Variants in KAZN observed in about 807,000 individuals in gnomAD.
KAZN encodes the protein kazrin, periplakin interacting protein, also known as kazrin.
KAZN carries 40 observed loss-of-function variants against 87.4 expected under a neutral mutation model. The ratio of observed to expected loss-of-function variants is 0.46; its 90% CI spans 0.36 to 0.60. The LOEUF is 0.60. KAZN is among the 20% of genes least tolerant of loss of function. The pLI, the probability that KAZN is intolerant of heterozygous loss-of-function variation, is 0.00. For missense variants in KAZN, 898 were observed against 1,073.9 expected (o/e 0.84, Z 2.29); for synonymous variants, 466 against 458.3 (o/e 1.02, Z -0.22).
At chr1:14,874,672 C>G (rs1652561325) in intron 1 of KAZN, among the ~76,000 whole-genome samples, 1 of 152,202 alleles carries the variant, frequency 6.6e-6, no homozygotes, top group South Asian at 2.1e-4. Flanking sequence ...ATCTCCTTCT[C>G]CATTCACCCA....
chr1:14,833,903 G>A (rs181168709), intron 1 of KAZN, among the ~76,000 whole-genome samples: 124 of 151,724 alleles, frequency 8.2e-4, no homozygotes, highest in South Asian at 4.4e-3. Context: ...TCTAAGAGCC[G>A]AGAATGTCAT....
At chr1:15,088,774 G>T (rs184653234) in intron 8 of KAZN, among the ~76,000 whole-genome samples, 3 of 152,242 alleles carry the variant, frequency 2.0e-5, no homozygotes, top group Admixed American at 6.5e-5. Context: ...CCTCAGGGGT[G>T]GGGGAGAAGG....
intron 1 of KAZN, among the ~76,000 whole-genome samples, chr1:14,848,293 G>C (rs571995454): frequency 2.0e-5 from 3 of 152,116 alleles, no homozygotes; most frequent in Non-Finnish European, 4.4e-5. Context: ...ACCCAGGAAG[G>C]GGAAGCTGCC....
rs568645263 is a variant in KAZN, at chr1:14,893,994, A to ATAAT, written c.227-66685_227-66682dup. Reference sequence around the variant, plus strand: ...AGGGAGGTGCTAGTTGATGAAGAGTATAATTAATCAGCACTTAGGGACCTC... The same window carrying ATAAT: ...AGGGAGGTGCTAGTTGATGAAGAGTATAATTAATTAATCAGCACTTAGGGACCTC... On this transcript the variant is annotated intron_variant, in intron 1 of 14. Transcript: ENST00000376030. Among the ~76,000 whole-genome samples, 7 of 152,296 alleles carry ATAAT rather than the reference A, an allele frequency of 4.6e-5. No individual in the cohort carries two copies. The South Asian group carries it at 1.4e-3, about 32-fold the overall frequency.
chr1:14,234,354 T>A (rs1410757772), intron 2 of KAZN, among the ~76,000 whole-genome samples: 2 of 145,902 alleles, frequency 1.4e-5, no homozygotes, highest in African/African-American at 5.1e-5. Flanking sequence ...AGTTGAACAA[T>A]GAGAACACAT....
chr1:14,584,890 G>A (rs1475331667), intron 2 of KAZN, among the ~76,000 whole-genome samples: 1 of 152,166 alleles, frequency 6.6e-6, no homozygotes, highest in Non-Finnish European at 1.5e-5. Flanking sequence ...TGATCCTCCT[G>A]CCTTGGCCTC....
intron 2 of KAZN, among the ~76,000 whole-genome samples, chr1:14,459,127 C>T (rs1229103211): frequency 6.6e-6 from 1 of 152,104 alleles, no homozygotes; most frequent in African/African-American, 2.4e-5. Flanking sequence ...AAATAGACAC[C>T]ACTGAACACG....
Position 15,104,171 on chromosome 1 carries a change from C to T in KAZN, c.2030C>T (p.Ala677Val). Residue 677 changes from alanine (A) to valine (V), a missense_variant, in exon 13 of 15, where the codon GCC (alanine) becomes GTC (valine). This residue lies in a region of KAZN where 521 missense variants were observed against 689.4 expected (regional missense o/e 0.76). Transcript: ENST00000376030. ...AGACACCTGGCAGAGGAGATGAGCG[C>T]CGTCTTCCACCCAGCCAAGTGAGCA... ...LRRHLAEEMS[A>V]VFHPANSTGI... 1 of 1,587,432 alleles carries T rather than the reference C, an allele frequency of 6.3e-7. No individual in the cohort carries two copies. Among genetic ancestry groups the T allele is most frequent in the Non-Finnish European group, 8.6e-7 (1 of 1,167,460 alleles).
intron 1 of KAZN, among the ~76,000 whole-genome samples, chr1:14,741,992 G>A (rs1644115109): frequency 6.6e-6 from 1 of 152,052 alleles, no homozygotes; most frequent in South Asian, 2.1e-4. Flanking sequence ...CTTGTGGGAA[G>A]CCACATTCAC....
chr1:14,645,478 A>G (rs1680744243), intron 1 of KAZN, among the ~76,000 whole-genome samples: 1 of 152,014 alleles, frequency 6.6e-6, no homozygotes, highest in South Asian at 2.1e-4. Flanking sequence ...GATTTCTTTG[A>G]GCAGTGTTTT....
At chr1:14,415,565 G>A (rs1411056700) in intron 2 of KAZN, among the ~76,000 whole-genome samples, 2 of 152,124 alleles carry the variant, frequency 1.3e-5, no homozygotes, top group Non-Finnish European at 2.9e-5. Flanking sequence ...CCCCCAGGTG[G>A]TAGACCAGAC....
chr1:14,519,301 T>C (rs1671457972), intron 2 of KAZN, among the ~76,000 whole-genome samples: 1 of 152,172 alleles, frequency 6.6e-6, no homozygotes, highest in Admixed American at 6.5e-5. Context: ...AAAGCAACCC[T>C]CTGCTTTGCT....
At chr1:14,181,268 C>T (rs1055476834) in intron 2 of KAZN, among the ~76,000 whole-genome samples, 5 of 152,140 alleles carry the variant, frequency 3.3e-5, no homozygotes, top group East Asian at 1.9e-4. Context: ...TCATTCCTAC[C>T]TCTTCAGTGT....
intron 2 of KAZN, among the ~76,000 whole-genome samples, chr1:14,975,004 A>G (rs1236234818): frequency 6.6e-6 from 1 of 152,240 alleles, no homozygotes; most frequent in Non-Finnish European, 1.5e-5. Context: ...AGAGCATTGT[A>G]GGGCAAGGAG....
chr1:14,416,222 T>A (rs911131057), intron 2 of KAZN, among the ~76,000 whole-genome samples: 1 of 152,192 alleles, frequency 6.6e-6, no homozygotes, highest in African/African-American at 2.4e-5. Flanking sequence ...TGATTATGTG[T>A]CACCTTACAT....
At chr1:14,584,450 T>C (rs567101502) in intron 2 of KAZN, among the ~76,000 whole-genome samples, 36 of 152,316 alleles carry the variant, frequency 2.4e-4, no homozygotes, top group African/African-American at 8.7e-4. Flanking sequence ...TTGCTGGAGC[T>C]GCTGGAGTTC....
intron 2 of KAZN, among the ~76,000 whole-genome samples, chr1:14,974,535 C>T (rs1457683500): frequency 6.6e-6 from 1 of 152,126 alleles, no homozygotes; most frequent in African/African-American, 2.4e-5. Context: ...GTTTTAGCAG[C>T]TTATTTTTAA....
At chr1:15,088,825 A>G (rs1358265927) in intron 8 of KAZN, among the ~76,000 whole-genome samples, 2 of 152,044 alleles carry the variant, frequency 1.3e-5, no homozygotes, top group Non-Finnish European at 2.9e-5. Context: ...TGTCTTGCAG[A>G]AACCAAAATG....
At chr1:15,086,308 C>T (rs927780500) in intron 8 of KAZN, among the ~76,000 whole-genome samples, 1 of 152,174 alleles carries the variant, frequency 6.6e-6, no homozygotes, top group African/African-American at 2.4e-5. Context: ...AATGAAAGAA[C>T]AATTCGGCTT....
Sources: gnomAD v4.1 joint callset for allele counts (sites outside exome capture counted in the v4.1 genomes callset) on GRCh38, gnomAD v4.1.1 for gene constraint, gnomAD v4.1.1 regional missense constraint, MANE v1.5 for transcripts, NCBI Gene and HGNC (gene_info 2026-07-23, HGNC 2026-07-21) for gene names.